The following HS3ST1 variants were observed in gnomAD, a reference collection of about 807,000 sequenced individuals.
HS3ST1 encodes the protein heparan sulfate glucosamine 3-O-sulfotransferase 1.
In HS3ST1, 8 loss-of-function variants were observed where a neutral mutation model predicts 20.7. The observed-to-expected ratio is 0.39, with a 90% CI of 0.23 to 0.70. The LOEUF (loss-of-function observed/expected upper bound fraction) is 0.70. Among genes scored for constraint, HS3ST1 ranks in the 30% least tolerant of loss-of-function variants. HS3ST1 has a pLI of 0.46. For synonymous variants in HS3ST1, 205 were observed against 190.4 expected (o/e 1.08, Z -0.63); for missense variants, 436 against 423.4 (o/e 1.03, Z -0.26).
rs1401449183 is a variant in HS3ST1, at chr4:11,394,414, G to A, written c.*4668C>T. On this transcript the variant is annotated 3_prime_UTR_variant, in exon 2 of 2. Transcript: ENST00000002596. ...ACACTTTAGTGAAGCAGCTAAATCC[G>A]ATGATGTCCTCTTTAGCTTTGGCCT... 5 of 152,212 alleles carry A rather than the reference G, an allele frequency of 3.3e-5. No individual in the cohort carries two copies. Among genetic ancestry groups the A allele is most frequent in the Non-Finnish European group, 5.9e-5 (4 of 68,062 alleles). 9.4% of individuals were successfully genotyped at this position (152,212 alleles called of 1,614,324 possible).
chr4:11,425,369 T>TA (rs1184125899), intron 1 of HS3ST1, among the ~76,000 whole-genome samples: 2 of 151,966 alleles, frequency 1.3e-5, no homozygotes, highest in Non-Finnish European at 2.9e-5. Flanking sequence ...TCTCCTTTTT[T>TA]AAAAAAATTA....
rs1718216299 is a variant in HS3ST1 at position 11,398,804 on chromosome 4, ATCTT to A, written c.*274_*277del. On this transcript the variant is annotated 3_prime_UTR_variant, in exon 2 of 2. Transcript: ENST00000002596. ...AAAAAACATAGCGTCTCCAGAAAAA[ATCTT>A]TTTTTTTTTTTCAGTGAAATAGTTT... 1 of 264,788 alleles carries A rather than the reference ATCTT, an allele frequency of 3.8e-6. No homozygotes were observed. Among genetic ancestry groups the A allele is most frequent in the Admixed American group, 5.3e-5 (1 of 18,826 alleles). The allele number at this position is 264,788 out of a possible 1,614,324, so 16.4% of individuals were successfully genotyped here.
intron 1 of HS3ST1, among the ~76,000 whole-genome samples, chr4:11,421,216 G>A (rs973499236): frequency 5.9e-5 from 9 of 152,120 alleles, no homozygotes; most frequent in African/African-American, 1.4e-4. Context: ...CAGAAAAACC[G>A]TCTATTACTC....
At chr4:11,409,356 A>C (rs1052910436) in intron 1 of HS3ST1, among the ~76,000 whole-genome samples, 4 of 152,186 alleles carry the variant, frequency 2.6e-5, no homozygotes, top group Non-Finnish European at 5.9e-5. Flanking sequence ...CCAAATTCAT[A>C]GGTTGAGACC....
chr4:11,431,740 CA>C (rs1332836888), upstream of HS3ST1, among the ~76,000 whole-genome samples: 3 of 152,086 alleles, frequency 2.0e-5, no homozygotes, highest in African/African-American at 7.2e-5. Flanking sequence ...TGAGTTTGGG[CA>C]ATAATCAGTA....
In HS3ST1 at chr4:11,428,407, AG is replaced by A. The variant is rs376748842; in HGVS notation, c.-109+291del. 854 of 152,416 alleles carry A rather than the reference AG, an allele frequency of 5.6e-3. 11 individuals are homozygous for A. The highest frequency in any genetic ancestry group is 0.019 in the African/African-American group (794 of 41,552). The allele number at this position is 152,416 out of a possible 1,614,324, so 9.4% of individuals were successfully genotyped here. On this transcript the variant is annotated intron_variant, in intron 1 of 1. Transcript: ENST00000002596. ...GCAGGAGCGAACCTCACGACTCTGC[AG>A]GGGGGGAAAACATCCAACCCAGTAA...
rs1718101774 is a variant in HS3ST1, at chr4:11,395,106, CTT to C, written c.*3974_*3975del. ...CCCAGCCTCTCCCCGTGACCACTGT[CTT>C]CATGTCTCAAGCTTCCCTTGTTCAG... On this transcript the variant is annotated 3_prime_UTR_variant, in exon 2 of 2. Transcript: ENST00000002596. 6.6e-6 allele frequency: 1 copy of C among 152,230 alleles called. No homozygotes were observed. The highest frequency in any genetic ancestry group is 2.4e-5 in the African/African-American group (1 of 41,424). The allele number at this position is 152,230 out of a possible 1,614,324, so 9.4% of individuals were successfully genotyped here. A position where few individuals can be genotyped will look rare whatever the true frequency, so the allele number is the denominator to read the frequency against.
In HS3ST1 at chr4:11,393,789, A is replaced by G. The variant is rs751909261; in HGVS notation, c.*5293T>C. On this transcript the variant is annotated 3_prime_UTR_variant, in exon 2 of 2. Coordinates refer to ENST00000002596, the MANE Select transcript of HS3ST1 (RefSeq NM_005114.4). The stretch of plus-strand genomic sequence containing the variant: ...TGCCCCATCCCACATGGGTCAGTCA[A>G]TCATTAGTCATGCCCTAACCCTAGG... The G allele has an allele frequency of 6.6e-6, 1 of 152,230 alleles. No homozygotes were observed. The highest frequency in any genetic ancestry group is 1.5e-5 in the Non-Finnish European group (1 of 68,068). 9.4% of individuals were successfully genotyped at this position (152,230 alleles called of 1,614,324 possible).
upstream of HS3ST1, among the ~76,000 whole-genome samples, chr4:11,434,015 A>G (rs528546154): frequency 2.6e-5 from 4 of 152,270 alleles, no homozygotes; most frequent in South Asian, 6.2e-4. Flanking sequence ...TCCTCACTGA[A>G]GTCCTCTAGA....
chr4:11,399,407 A>T lies in HS3ST1; in HGVS notation c.599T>A (p.Met200Lys). Residue 200 changes from methionine (M) to lysine (K), a missense_variant, in exon 2 of 2, where the codon ATG (methionine) becomes AAG (lysine). Physicochemically the swap from Met to Lys is moderately conservative, Grantham distance 95. Coordinates refer to ENST00000002596, the MANE Select transcript of HS3ST1 (RefSeq NM_005114.4). The surrounding 1 kb of genome is among the most constrained non-coding windows in gnomAD (Gnocchi z 5.1). ...CGGGAAAAAGCGCAGCCAGTTCTGC[A>T]TGTGCACGTGGTAGAGGCTGCGGTT... ...ALNRSLYHVH[M>K]QNWLRFFPLR... The T allele has an allele frequency of 6.2e-7, 1 of 1,614,004 alleles. No homozygotes were observed. The highest frequency in any genetic ancestry group is 8.5e-7 in the Non-Finnish European group (1 of 1,179,992).
chr4:11,426,785 CTT>C (rs945876728), intron 1 of HS3ST1, among the ~76,000 whole-genome samples: 1 of 152,250 alleles, frequency 6.6e-6, no homozygotes, highest in Non-Finnish European at 1.5e-5. Context: ...TGGAAAGACT[CTT>C]TTAGAAGCTG....
intron 1 of HS3ST1, among the ~76,000 whole-genome samples, chr4:11,408,516 G>A (rs554140942): frequency 6.6e-6 from 1 of 152,334 alleles, no homozygotes; most frequent in African/African-American, 2.4e-5. Flanking sequence ...CAGTGGCTGT[G>A]GGTCCTTCAT....
chr4:11,408,456 G>A (rs1393468069), intron 1 of HS3ST1, among the ~76,000 whole-genome samples: 1 of 152,222 alleles, frequency 6.6e-6, no homozygotes, highest in Non-Finnish European at 1.5e-5. Context: ...GCTCAAAGAA[G>A]AAAGGACAGT....
chr4:11,397,465 C>A lies in HS3ST1; in HGVS notation c.*1617G>T, dbSNP rs1369145511. ...ACCTCTTAGGATGGAAGATATTTGG[C>A]ACCTGGGAAGAAATGTTAAGTCAGG... On this transcript the variant is annotated 3_prime_UTR_variant, in exon 2 of 2. Coordinates refer to ENST00000002596, the MANE Select transcript of HS3ST1 (RefSeq NM_005114.4). 6.6e-6 allele frequency: 1 copy of A among 152,248 alleles called. No individual in the cohort carries two copies. Among genetic ancestry groups the A allele is most frequent in the East Asian group, 1.9e-4 (1 of 5,206 alleles). 9.4% of individuals were successfully genotyped at this position (152,248 alleles called of 1,614,324 possible). A position where few individuals can be genotyped will look rare whatever the true frequency, so the allele number is the denominator to read the frequency against.
chr4:11,432,970 T>A (rs1396054119), upstream of HS3ST1, among the ~76,000 whole-genome samples: 1 of 152,212 alleles, frequency 6.6e-6, no homozygotes, highest in Non-Finnish European at 1.5e-5. Flanking sequence ...ACAGGATTTT[T>A]AAGATTATCT....
Position 11,395,973 on chromosome 4 carries a change from C to T in HS3ST1, c.*3109G>A, listed in dbSNP as rs1192719435. 6.6e-6 allele frequency: 1 copy of T among 152,212 alleles called. No individual in the cohort carries two copies. The highest frequency in any genetic ancestry group is 2.4e-5 in the African/African-American group (1 of 41,460). The allele number at this position is 152,212 out of a possible 1,614,324, so 9.4% of individuals were successfully genotyped here. A position where few individuals can be genotyped will look rare whatever the true frequency, so the allele number is the denominator to read the frequency against. ...GTCCAGAACAAACAGTTAATGACTACTGGTTCCTGTTGTATTTTCTTTTTA... is the reference window on the plus strand; with the variant it reads ...GTCCAGAACAAACAGTTAATGACTATTGGTTCCTGTTGTATTTTCTTTTTA... On this transcript the variant is annotated 3_prime_UTR_variant, in exon 2 of 2. Transcript: ENST00000002596.
intron 1 of HS3ST1, among the ~76,000 whole-genome samples, chr4:11,409,110 G>A (rs1718546382): frequency 6.6e-6 from 1 of 152,104 alleles, no homozygotes. Flanking sequence ...AGGCCTGCAG[G>A]GACTGAACTG....
chr4:11,402,495 G>T, intron 1 of HS3ST1, among the ~76,000 whole-genome samples: 1 of 152,124 alleles, frequency 6.6e-6, no homozygotes, highest in Admixed American at 6.5e-5. Flanking sequence ...TGTACCAATT[G>T]TGCTTGGCTC....
chr4:11,424,172 G>T (rs1032095737), intron 1 of HS3ST1, among the ~76,000 whole-genome samples: 3 of 152,094 alleles, frequency 2.0e-5, no homozygotes, highest in African/African-American at 7.2e-5. Context: ...TTCCACTCAA[G>T]CTGTTACTTG....
Sources: allele counts gnomAD v4.1 joint callset (sites outside exome capture counted in the v4.1 genomes callset), GRCh38; gene constraint gnomAD v4.1.1; non-coding constraint Gnocchi (gnomAD v3.1); transcripts MANE v1.5; gene names NCBI Gene and HGNC (gene_info 2026-07-23, HGNC 2026-07-21).